PIBF1: variants seen among roughly 807,000 people sequenced by gnomAD.
PIBF1 encodes the protein progesterone immunomodulatory binding factor 1.
PIBF1 carries 90 observed loss-of-function variants against 112.5 expected under a neutral mutation model. The observed-to-expected ratio is 0.80, with a 90% CI of 0.67 to 0.95. The LOEUF (loss-of-function observed/expected upper bound fraction) is 0.95, where lower values mean the gene tolerates loss of function less well. PIBF1 is among the 40% of genes least tolerant of loss of function. The pLI is 0.00. For synonymous variants in PIBF1, 301 were observed against 288.6 expected (o/e 1.04, Z -0.44); for missense variants, 915 against 852.3 (o/e 1.07, Z -0.92).
chr13:72,900,982 A>T, intron 11 of PIBF1: 1 of 370,232 alleles, frequency 2.7e-6, no homozygotes, highest in South Asian at 2.0e-5. Context: ...AGATTGCGCC[A>T]TTCCGCTGCA....
intron 14 of PIBF1, among the ~76,000 whole-genome samples, chr13:72,961,245 A>G (rs545808714): frequency 6.6e-6 from 1 of 152,100 alleles, no homozygotes; most frequent in Admixed American, 6.5e-5. Context: ...TCATTTTAAC[A>G]ATGTTCTCAT....
At chr13:72,792,361 C>G (rs1163040793) in intron 2 of PIBF1, 86 bp from the exon 3 acceptor site, 1 of 820,364 alleles carries the variant, frequency 1.2e-6, no homozygotes, top group Non-Finnish European at 2.0e-6. Flanking sequence ...CTGTTTCTTT[C>G]AAGTGTTTTT....
chr13:72,875,226 A>G (rs974349542), intron 10 of PIBF1, among the ~76,000 whole-genome samples: 2 of 151,998 alleles, frequency 1.3e-5, no homozygotes, highest in East Asian at 1.9e-4. Context: ...CTGTCTTTTC[A>G]TGACTTCATA....
intron 2 of PIBF1, among the ~76,000 whole-genome samples, chr13:72,784,297 T>A (rs1316596616): frequency 8.1e-5 from 8 of 98,368 alleles, no homozygotes; most frequent in East Asian, 5.9e-4. Flanking sequence ...AAAAAAAAAA[T>A]TAGCCAGCCA....
chr13:72,952,035 C>CTTTTTTT (rs67211238), intron 14 of PIBF1, among the ~76,000 whole-genome samples: 1 of 123,002 alleles, frequency 8.1e-6, no homozygotes, highest in Non-Finnish European at 1.7e-5. Context: ...TTTCTTTTCT[C>CTTTTTTT]TTTTTTTTTT....
At chr13:72,873,238 A>T (rs9543153) in intron 10 of PIBF1, among the ~76,000 whole-genome samples, 15,617 of 152,248 alleles carry the variant, frequency 0.1, 1,091 homozygotes, top group Non-Finnish European at 0.15. Context: ...TATACAAAAA[A>T]GTGCACCTCC....
chr13:73,009,564 G>C (rs1417845620), intron 17 of PIBF1, among the ~76,000 whole-genome samples: 1 of 152,134 alleles, frequency 6.6e-6, no homozygotes, highest in Non-Finnish European at 1.5e-5. Context: ...CAAGAAATAG[G>C]ATTAGATATG....
chr13:72,829,694 G>A (rs187964490), intron 8 of PIBF1, among the ~76,000 whole-genome samples: 55 of 152,290 alleles, frequency 3.6e-4, no homozygotes, highest in African/African-American at 1.3e-3. Context: ...TTGTAGTATA[G>A]TTTGAAGTCA....
chr13:72,915,158 A>G (rs1033990854), intron 12 of PIBF1, among the ~76,000 whole-genome samples: 2 of 152,176 alleles, frequency 1.3e-5, no homozygotes, highest in Non-Finnish European at 2.9e-5. Flanking sequence ...AGATATATAT[A>G]TATATACCAT....
Position 72,985,325 on chromosome 13 carries a change from A to C in PIBF1, c.2049+11650A>C, listed in dbSNP as rs950233122. Among the ~76,000 whole-genome samples, 4 of 149,896 alleles carry C rather than the reference A, an allele frequency of 2.7e-5. No homozygotes were observed. The East Asian group carries it at 8.0e-4, about 30-fold the overall frequency. On this transcript the variant is annotated intron_variant, in intron 16 of 17. Transcript: ENST00000326291. ...GGGGGATCACGAGGTCAGGAGATCA[A>C]GACCATCCTGGCTAACACGGTGAAA... is the stretch of plus-strand genomic sequence containing the variant.
Position 72,798,123 on chromosome 13 carries a change from A to G in PIBF1, c.672+97A>G, listed in dbSNP as rs990891481. On this transcript the variant is annotated intron_variant, in intron 5 of 17. Coordinates refer to ENST00000326291, the MANE Select transcript of PIBF1 (RefSeq NM_006346.4). The stretch of plus-strand genomic sequence containing the variant: ...AAGGCATATAAAAGTCAGTGATTGA[A>G]AAATGGGACTATGGGATGGTGACTG... 5.5e-6 allele frequency: 7 copies of G among 1,274,866 alleles called. No individual in the cohort carries two copies. In the Admixed American group the frequency reaches 1.9e-4, roughly 34 times the overall value. 79.0% of individuals were successfully genotyped at this position (1,274,866 alleles called of 1,614,324 possible).
At position 72,971,185 on chromosome 13, in the gene PIBF1, A is replaced by AGTGTGTGTGT. The variant is rs771878197; in HGVS notation, c.1965-2395_1965-2386dup. Among the ~76,000 whole-genome samples the AGTGTGTGTGT allele has an allele frequency of 4.9e-3, 585 of 120,082 alleles. 4 individuals are homozygous for AGTGTGTGTGT. The highest frequency in any genetic ancestry group is 0.022 in the Middle Eastern group (5 of 224). The allele number at this position is 120,082 out of a possible 152,430, so 78.8% of individuals were successfully genotyped here. ...CAGTTGGTATTTGAAACAGAGAGTG[A>AGTGTGTGTGT]GTGTGTGTGTGTGTGTGTGTATGTG... On this transcript the variant is annotated intron_variant, in intron 15 of 17. Coordinates refer to ENST00000326291, the MANE Select transcript of PIBF1 (RefSeq NM_006346.4).
chr13:72,988,574 A>G (rs952364684), intron 16 of PIBF1, among the ~76,000 whole-genome samples: 8 of 152,204 alleles, frequency 5.3e-5, no homozygotes, highest in African/African-American at 1.9e-4. Context: ...ATTTGCTTTA[A>G]TAGTAGTTTA....
At chr13:72,847,557 TG>T (rs2037930829) in intron 9 of PIBF1, among the ~76,000 whole-genome samples, 2 of 152,354 alleles carry the variant, frequency 1.3e-5, no homozygotes, top group African/African-American at 4.8e-5. Context: ...ACTGTTAGAA[TG>T]GAAGTTAAAT....
At chr13:72,950,613 T>G (rs1055763511) in intron 14 of PIBF1, among the ~76,000 whole-genome samples, 2 of 152,230 alleles carry the variant, frequency 1.3e-5, no homozygotes. Flanking sequence ...TAGCTCATCA[T>G]AAGAAATAAA....
intron 15 of PIBF1, among the ~76,000 whole-genome samples, chr13:72,965,924 T>A (rs2042727685): frequency 6.6e-6 from 1 of 152,210 alleles, no homozygotes; most frequent in Non-Finnish European, 1.5e-5. Context: ...TGTAATTGTT[T>A]CTGTATGAGA....
intron 14 of PIBF1, among the ~76,000 whole-genome samples, chr13:72,959,256 A>G (rs1387308768): frequency 6.6e-6 from 1 of 152,194 alleles, no homozygotes; most frequent in Non-Finnish European, 1.5e-5. Flanking sequence ...TTGGCTTCCC[A>G]AAGTGCTGGG....
intron 10 of PIBF1, among the ~76,000 whole-genome samples, chr13:72,892,852 CCTT>C (rs1466728683): frequency 6.6e-6 from 1 of 150,378 alleles, no homozygotes; most frequent in Non-Finnish European, 1.5e-5. Flanking sequence ...AGTTAGGTCT[CCTT>C]CATATGTGTT....
intron 10 of PIBF1, among the ~76,000 whole-genome samples, chr13:72,859,942 A>T (rs368282180): frequency 1.3e-5 from 2 of 152,346 alleles, no homozygotes; most frequent in South Asian, 2.1e-4. Context: ...AAGCGTTCAC[A>T]TATGAAAAAG....
Sources: allele counts gnomAD v4.1 joint callset (sites outside exome capture counted in the v4.1 genomes callset), GRCh38; gene constraint gnomAD v4.1.1; transcripts MANE v1.5; gene names NCBI Gene and HGNC (gene_info 2026-07-23, HGNC 2026-07-21).